The following ATG10 variants were observed in gnomAD, a reference collection of about 807,000 sequenced individuals.
ATG10 encodes autophagy related 10, also known as ubiquitin-like-conjugating enzyme ATG10.
ATG10 carries 30 observed loss-of-function variants against 32.1 expected under a neutral mutation model. That is an observed-to-expected ratio of 0.94 (90% CI 0.70 to 1.27). The LOEUF (loss-of-function observed/expected upper bound fraction) is 1.27, where lower values mean the gene tolerates loss of function less well. ATG10 is among the 50% of genes most tolerant of loss of function. The pLI, the probability that ATG10 is intolerant of heterozygous loss-of-function variation, is 0.00. For synonymous variants in ATG10, 87 were observed against 91.5 expected (o/e 0.95, Z 0.28); for missense variants, 233 against 262.3 (o/e 0.89, Z 0.77).
intron 3 of ATG10, among the ~76,000 whole-genome samples, chr5:82,085,946 G>A (rs1288427250): frequency 6.6e-6 from 1 of 151,812 alleles, no homozygotes; most frequent in African/African-American, 2.4e-5. Context: ...TATACATTTT[G>A]GAATAATAAT....
At chr5:82,095,299 C>A (rs1765019347) in intron 3 of ATG10, among the ~76,000 whole-genome samples, 1 of 152,068 alleles carries the variant, frequency 6.6e-6, no homozygotes, top group Non-Finnish European at 1.5e-5. Context: ...TAATACCTTT[C>A]ACTTTAATAG....
chr5:82,064,491 C>T (rs17303545), intron 3 of ATG10, among the ~76,000 whole-genome samples: 2,301 of 151,970 alleles, frequency 0.015, 27 homozygotes, highest in Non-Finnish European at 0.023. Context: ...GCTTAGCTCC[C>T]GATGTTTTTA....
chr5:82,220,364 G>A (rs1293453092), intron 5 of ATG10, among the ~76,000 whole-genome samples: 2 of 151,726 alleles, frequency 1.3e-5, no homozygotes, highest in East Asian at 2.0e-4. Flanking sequence ...CCGGGTTCAC[G>A]CCATTCTCCT....
intron 3 of ATG10, among the ~76,000 whole-genome samples, chr5:82,074,482 A>G (rs1162859137): frequency 6.6e-6 from 1 of 152,174 alleles, no homozygotes; most frequent in East Asian, 1.9e-4. Context: ...GCCTGAAAGG[A>G]CATTTTTTGG....
chr5:82,051,908 C>G (rs1763441440), intron 2 of ATG10, among the ~76,000 whole-genome samples: 1 of 152,040 alleles, frequency 6.6e-6, no homozygotes. Context: ...TCTTTTTACC[C>G]CAAGGTTAAT....
In ATG10 at chr5:82,254,815, T is replaced by C. The variant is rs1219546726; in HGVS notation, c.*752T>C. ...AAACTGGTGTTATAAACATGACCTA[T>C]CTTAAGTGATTTTCCCACAATCAAA... On this transcript the variant is annotated 3_prime_UTR_variant, in exon 8 of 8. Coordinates refer to ENST00000282185, the MANE Select transcript of ATG10 (RefSeq NM_031482.5). The C allele has an allele frequency of 6.6e-6, 1 of 152,060 alleles. No homozygotes were observed. Among genetic ancestry groups the C allele is most frequent in the East Asian group, 1.9e-4 (1 of 5,186 alleles). 9.4% of individuals were successfully genotyped at this position (152,060 alleles called of 1,614,324 possible). A position where few individuals can be genotyped will look rare whatever the true frequency, so the allele number is the denominator to read the frequency against.
At chr5:82,104,949 C>T (rs1765398464) in intron 3 of ATG10, among the ~76,000 whole-genome samples, 1 of 152,044 alleles carries the variant, frequency 6.6e-6, no homozygotes, top group African/African-American at 2.4e-5. Flanking sequence ...ATAAATGTAA[C>T]ATAGTTGAAT....
chr5:82,191,646 C>T (rs1395387176), intron 5 of ATG10, among the ~76,000 whole-genome samples: 2 of 152,162 alleles, frequency 1.3e-5, no homozygotes, highest in African/African-American at 4.8e-5. Flanking sequence ...AGGGAGCTCA[C>T]GTCTTTAACC....
chr5:81,999,748 T>A (rs1761795390), intron 2 of ATG10, among the ~76,000 whole-genome samples: 1 of 151,878 alleles, frequency 6.6e-6, no homozygotes, highest in African/African-American at 2.4e-5. Context: ...CCGCAGACAC[T>A]ACTACAAACA....
intron 3 of ATG10, among the ~76,000 whole-genome samples, chr5:82,110,730 T>C (rs1451806146): frequency 6.6e-6 from 1 of 152,090 alleles, no homozygotes; most frequent in African/African-American, 2.4e-5. Flanking sequence ...ATTGCAAAAA[T>C]TTTCTCCCAT....
At chr5:82,104,439 T>G (rs1178717783) in intron 3 of ATG10, among the ~76,000 whole-genome samples, 1 of 152,150 alleles carries the variant, frequency 6.6e-6, no homozygotes, top group Non-Finnish European at 1.5e-5. Flanking sequence ...AATACTTTTT[T>G]TTTTCAGTTT....
At chr5:82,056,946 CA>C (rs140803247) in intron 2 of ATG10, among the ~76,000 whole-genome samples, 2,237 of 152,270 alleles carry the variant, frequency 0.015, 41 homozygotes, top group African/African-American at 0.05. Context: ...AAGACCATTA[CA>C]GGATCTGCTT....
chr5:82,117,005 G>A (rs1340321276), intron 3 of ATG10, among the ~76,000 whole-genome samples: 2 of 152,046 alleles, frequency 1.3e-5, no homozygotes, highest in African/African-American at 4.8e-5. Context: ...CAATTTCTAA[G>A]TTTAATAGCA....
intron 2 of ATG10, chr5:81,992,313 G>A (rs1761488146): frequency 6.6e-6 from 1 of 151,504 alleles, no homozygotes; most frequent in African/African-American, 2.4e-5. Flanking sequence ...AGTGTATATT[G>A]TCCCTCATAC....
intron 5 of ATG10, among the ~76,000 whole-genome samples, chr5:82,234,631 T>C (rs1280745867): frequency 6.6e-6 from 1 of 152,230 alleles, no homozygotes; most frequent in Non-Finnish European, 1.5e-5. Flanking sequence ...ACCTCCAAGT[T>C]AAATGACCTT....
chr5:82,208,019 T>G (rs754491588), intron 5 of ATG10, among the ~76,000 whole-genome samples: 13 of 152,182 alleles, frequency 8.5e-5, no homozygotes, highest in Non-Finnish European at 1.6e-4. Flanking sequence ...GAGATACAAG[T>G]CATATTTCAT....
intron 3 of ATG10, among the ~76,000 whole-genome samples, chr5:82,127,336 G>A (rs968629937): frequency 5.3e-5 from 8 of 151,986 alleles, no homozygotes; most frequent in Non-Finnish European, 8.8e-5. Context: ...TTTTGAATTT[G>A]TATGTCCTTG....
At chr5:82,078,163 C>T (rs192111009) in intron 3 of ATG10, among the ~76,000 whole-genome samples, 18 of 152,292 alleles carry the variant, frequency 1.2e-4, no homozygotes, top group African/African-American at 3.1e-4. Flanking sequence ...CACTATCCCA[C>T]GTACTTTCTT....
intron 3 of ATG10, among the ~76,000 whole-genome samples, chr5:82,151,810 C>CG (rs939622975): frequency 1.3e-5 from 2 of 151,358 alleles, no homozygotes; most frequent in African/African-American, 4.9e-5. Flanking sequence ...CATTGACTAA[C>CG]GACTCATTGA....
Sources: gnomAD v4.1 joint callset for allele counts (sites outside exome capture counted in the v4.1 genomes callset) on GRCh38, gnomAD v4.1.1 for gene constraint, MANE v1.5 for transcripts, NCBI Gene and HGNC (gene_info 2026-07-23, HGNC 2026-07-21) for gene names.